PLCB1: variants seen among roughly 807,000 people sequenced by gnomAD.
PLCB1 encodes 1-phosphatidylinositol 4,5-bisphosphate phosphodiesterase beta-1.
PLCB1 carries 46 observed loss-of-function variants against 161.8 expected under a neutral mutation model. The observed-to-expected ratio is 0.28, with a 90% CI of 0.22 to 0.36. The LOEUF (loss-of-function observed/expected upper bound fraction) is 0.36, where lower values mean the gene tolerates loss of function less well. Ranked by LOEUF, PLCB1 falls within the 10% of genes least tolerant of loss-of-function variation. The probability of loss-of-function intolerance (pLI) is 1.00; values close to 1 mark genes in which losing one functional copy is unlikely to be tolerated. For synonymous variants in PLCB1, 517 were observed against 503.7 expected (o/e 1.03, Z -0.35); for missense variants, 1,016 against 1,472.5 (o/e 0.69, Z 5.07).
intron 3 of PLCB1, among the ~76,000 whole-genome samples, chr20:8,454,383 T>A (rs1020340322): frequency 2.0e-5 from 3 of 152,080 alleles, no homozygotes; most frequent in African/African-American, 7.2e-5. Context: ...AGGAGTAAAA[T>A]GACATGTGTT....
intron 3 of PLCB1, among the ~76,000 whole-genome samples, chr20:8,583,645 C>G (rs778887488): frequency 6.6e-6 from 1 of 152,154 alleles, no homozygotes; most frequent in Non-Finnish European, 1.5e-5. Context: ...AATATCATTA[C>G]GTAATTCTCC....
At position 8,733,372 on chromosome 20, in the gene PLCB1, G is replaced by A; in HGVS notation, c.2023G>A (p.Ala675Thr). 2 of 1,613,906 alleles carry A rather than the reference G, an allele frequency of 1.2e-6. No individual in the cohort carries two copies. Among genetic ancestry groups the A allele is most frequent in the Non-Finnish European group, 1.7e-6 (2 of 1,179,908 alleles). The change falls in exon 19 of 32, where the codon GCA becomes ACA. Residue 675 changes from alanine to threonine, a missense_variant. Physicochemically the swap from Ala to Thr is moderately conservative, Grantham distance 58. Around this residue, in one of 10 missense-constraint regions of PLCB1, gnomAD observed 67 missense variants for 195.6 expected, o/e 0.34. Transcript: ENST00000338037. Reference protein sequence around the residue: ...FTEGIVDGIVANTLSVKIISG... With the variant: ...FTEGIVDGIVTNTLSVKIISG... Reference sequence around the variant, plus strand: ...TGAAGGCATCGTAGATGGGATAGTGGCAAACACTTTGTCTGTTAAGGTAGG... The same window carrying A: ...TGAAGGCATCGTAGATGGGATAGTGACAAACACTTTGTCTGTTAAGGTAGG...
intron 2 of PLCB1, among the ~76,000 whole-genome samples, chr20:8,334,828 T>A (rs111876982): frequency 7.9e-5 from 12 of 152,348 alleles, no homozygotes; most frequent in African/African-American, 2.6e-4. Context: ...CAGACCTACC[T>A]CTGCCCCATG....
intron 3 of PLCB1, among the ~76,000 whole-genome samples, chr20:8,548,078 C>T (rs1985621781): frequency 6.6e-6 from 1 of 151,964 alleles, no homozygotes; most frequent in African/African-American, 2.4e-5. Flanking sequence ...ACCTTCCTCC[C>T]TCCCTTCCTC....
intron 24 of PLCB1, among the ~76,000 whole-genome samples, chr20:8,758,919 C>A (rs1183828407): frequency 1.3e-5 from 2 of 152,174 alleles, no homozygotes; most frequent in Non-Finnish European, 2.9e-5. Flanking sequence ...ATCATCAAAA[C>A]CAGGAAAGTA....
intron 1 of PLCB1, among the ~76,000 whole-genome samples, chr20:8,146,233 A>T (rs989100950): frequency 1.3e-5 from 2 of 152,144 alleles, no homozygotes; most frequent in Admixed American, 6.5e-5. Flanking sequence ...CCTCCCTTGC[A>T]GGGCAATAAT....
At position 8,398,524 on chromosome 20, in the gene PLCB1, G is replaced by A. The variant is rs77955386; in HGVS notation, c.246+27074G>A. On this transcript the variant is annotated intron_variant, in intron 3 of 31. Transcript: ENST00000338037. ...CTGAGGGCCCACTTCTTGGTTTGCAGTTGGCTGCATTCTCATTGAGTCCTC... is the reference window on the plus strand; with the variant it reads ...CTGAGGGCCCACTTCTTGGTTTGCAATTGGCTGCATTCTCATTGAGTCCTC... 7.4e-3 allele frequency among the ~76,000 whole-genome samples: 1,124 copies of A among 152,242 alleles called. 13 individuals are homozygous for A. The highest frequency in any genetic ancestry group is 0.026 in the African/African-American group (1,077 of 41,552).
intron 2 of PLCB1, among the ~76,000 whole-genome samples, chr20:8,315,806 T>C (rs1984620281): frequency 6.6e-6 from 1 of 152,080 alleles, no homozygotes; most frequent in Non-Finnish European, 1.5e-5. Context: ...CCTAAACACT[T>C]AGGGCTGCTG....
chr20:8,234,745 T>C (rs1980234960), intron 2 of PLCB1, among the ~76,000 whole-genome samples: 1 of 152,062 alleles, frequency 6.6e-6, no homozygotes, highest in South Asian at 2.1e-4. Context: ...TGTTTTAGAG[T>C]AGAAGATCAC....
chr20:8,720,338 T>G (rs540235747), intron 14 of PLCB1, among the ~76,000 whole-genome samples: 4 of 152,334 alleles, frequency 2.6e-5, no homozygotes, highest in African/African-American at 9.6e-5. Flanking sequence ...AGTTATTCAG[T>G]AGATTTCCTA....
At chr20:8,310,062 C>T (rs1008461900) in intron 2 of PLCB1, among the ~76,000 whole-genome samples, 1 of 151,304 alleles carries the variant, frequency 6.6e-6, no homozygotes, top group Non-Finnish European at 1.5e-5. Context: ...CAGTTTCAAA[C>T]ATTTCAGTGA....
chr20:8,289,732 A>G (rs561403183), intron 2 of PLCB1, among the ~76,000 whole-genome samples: 1 of 152,174 alleles, frequency 6.6e-6, no homozygotes, highest in Non-Finnish European at 1.5e-5. Flanking sequence ...AATAAAGTCT[A>G]TACACTGCCC....
At chr20:8,304,460 G>A (rs1228165935) in intron 2 of PLCB1, among the ~76,000 whole-genome samples, 2 of 151,654 alleles carry the variant, frequency 1.3e-5, no homozygotes, top group Non-Finnish European at 2.9e-5. Flanking sequence ...CGAATCCCCT[G>A]TTGCTTAAAT....
At chr20:8,318,454 C>G (rs527476928) in intron 2 of PLCB1, among the ~76,000 whole-genome samples, 4 of 151,162 alleles carry the variant, frequency 2.6e-5, no homozygotes, top group African/African-American at 4.8e-5. Context: ...ATTGCCCCCC[C>G]CCTTTTTCTT....
chr20:8,186,537 C>T (rs1227579498), intron 2 of PLCB1, among the ~76,000 whole-genome samples: 1 of 152,112 alleles, frequency 6.6e-6, no homozygotes, highest in African/African-American at 2.4e-5. Flanking sequence ...GCAGAATGTA[C>T]AAAATGTCTT....
intron 4 of PLCB1, among the ~76,000 whole-genome samples, chr20:8,641,165 T>A (rs769315923): frequency 3.9e-5 from 6 of 152,236 alleles, no homozygotes; most frequent in African/African-American, 1.4e-4. Flanking sequence ...TTCTGTACTT[T>A]ATTAATTGGA....
Position 8,422,441 on chromosome 20 carries a change from C to CTACTACCCAGAA in PLCB1, c.246+50991_246+50992insTACTACCCAGAA, listed in dbSNP as rs1299409063. 2.0e-5 allele frequency among the ~76,000 whole-genome samples: 3 copies of CTACTACCCAGAA among 152,244 alleles called. No homozygotes were observed. The East Asian group carries it at 5.8e-4, about 29-fold the overall frequency. ...CTAAAACGTATACAGTTGACCCAGACGGAGAACAAGGGCCCCTTCTCAGGT... is the reference window on the plus strand; with the variant it reads ...CTAAAACGTATACAGTTGACCCAGACTACTACCCAGAAGGAGAACAAGGGCCCCTTCTCAGGT... On this transcript the variant is annotated intron_variant, in intron 3 of 31. Coordinates refer to ENST00000338037, the MANE Select transcript of PLCB1 (RefSeq NM_015192.4).
At chr20:8,162,804 A>G (rs1568574482) in intron 2 of PLCB1, among the ~76,000 whole-genome samples, 1 of 152,246 alleles carries the variant, frequency 6.6e-6, no homozygotes, top group Non-Finnish European at 1.5e-5. Flanking sequence ...CTGTGCTGGT[A>G]TACATAATGG....
chr20:8,455,967 C>T (rs188626873), intron 3 of PLCB1, among the ~76,000 whole-genome samples: 15 of 152,222 alleles, frequency 9.9e-5, no homozygotes, highest in Admixed American at 7.2e-4. Flanking sequence ...TCAAAGCTTT[C>T]GCATCATAAT....
Sources: gnomAD v4.1 joint callset for allele counts (sites outside exome capture counted in the v4.1 genomes callset) on GRCh38, gnomAD v4.1.1 for gene constraint, gnomAD v4.1.1 regional missense constraint, MANE v1.5 for transcripts, NCBI Gene and HGNC (gene_info 2026-07-23, HGNC 2026-07-21) for gene names.